The following DCAF1 variants were observed in gnomAD, a reference collection of about 807,000 sequenced individuals.
DCAF1 encodes DDB1- and CUL4-associated factor 1.
Under a neutral mutation model 128.0 loss-of-function variants are expected in DCAF1, and 15 were observed. The ratio of observed to expected loss-of-function variants is 0.12; its 90% CI spans 0.08 to 0.18. The LOEUF (loss-of-function observed/expected upper bound fraction) is 0.18. Among genes scored for constraint, DCAF1 ranks in the 10% least tolerant of loss-of-function variants. DCAF1 has a pLI of 1.00. For missense variants in DCAF1, 988 were observed against 1,649.5 expected (o/e 0.60, Z 6.95); for synonymous variants, 610 against 603.0 (o/e 1.01, Z -0.17).
rs781843592 is a variant in DCAF1, at chr3:51,420,222, A to C, written c.2748T>G (p.His916Gln). 1.5e-5 allele frequency: 25 copies of C among 1,613,896 alleles called. No individual in the cohort carries two copies. Among genetic ancestry groups the C allele is most frequent in the Non-Finnish European group, 2.1e-5 (25 of 1,179,902 alleles). ...AAGGCGCAGAGGCACCCACAGCAGC[A>C]TGGCTGCCCAGACGAGTTGCAATGC... ...ANGIATRLGSHAAVGASAPSA... is the reference protein window; with the variant it reads ...ANGIATRLGSQAAVGASAPSA... Residue 916 changes from histidine (H) to glutamine (Q), a missense_variant, in exon 15 of 25, where the codon CAT becomes CAG. His to Gln is a conservative substitution (Grantham distance 24, BLOSUM62 0). Coordinates refer to ENST00000684031, the MANE Select transcript of DCAF1 (RefSeq NM_001387579.1). The surrounding 1 kb of genome is among the most constrained non-coding windows in gnomAD (Gnocchi z 6.5).
At chr3:51,430,263 C>G in intron 10 of DCAF1, 51 bp from the exon 11 acceptor site, 1 of 741,512 alleles carries the variant, frequency 1.3e-6, no homozygotes, top group Non-Finnish European at 2.5e-6. Flanking sequence ...GGCAAAGGAG[C>G]CCTTGAACAG....
At chr3:51,480,065 C>A in intron 3 of DCAF1, among the ~76,000 whole-genome samples, 1 of 149,172 alleles carries the variant, frequency 6.7e-6, no homozygotes, top group Non-Finnish European at 1.5e-5. Context: ...AATCATACCA[C>A]TGCACTCTAT....
At position 51,443,926 on chromosome 3, in the gene DCAF1, G is replaced by C. The variant is rs1467810434; in HGVS notation, c.376-23C>G. On this transcript the variant is annotated intron_variant, in intron 6 of 24. Coordinates refer to ENST00000684031, the MANE Select transcript of DCAF1 (RefSeq NM_001387579.1). The stretch of plus-strand genomic sequence containing the variant: ...CTCCTATAGTAAAGGAAATTAAATA[G>C]TACATTTCGGAAAAAGCCCAAGTTC... 3.2e-6 allele frequency: 5 copies of C among 1,548,210 alleles called. No individual in the cohort carries two copies. The South Asian group carries it at 5.0e-5, about 15-fold the overall frequency.
intron 2 of DCAF1, among the ~76,000 whole-genome samples, chr3:51,488,946 C>A (rs1180436378): frequency 6.6e-6 from 1 of 152,134 alleles, no homozygotes; most frequent in East Asian, 1.9e-4. Context: ...GTCTGCGCGA[C>A]AGGGCGAGAC....
Position 51,403,384 on chromosome 3 carries a change from T to C in DCAF1, c.4224A>G (p.Glu1408=). The part of the protein sequence containing the change: ...EDEEEDQEEE[E]QEEEDDDEDD... ...CTTCATCATCATCTTCTTCCTCCTGTTCTTCCTCTTCCTGGTAAGAAAGCG... is the reference window on the plus strand; with the variant it reads ...CTTCATCATCATCTTCTTCCTCCTGCTCTTCCTCTTCCTGGTAAGAAAGCG... The change falls in exon 24 of 25, where the codon GAA becomes GAG. Residue 1408 remains glutamate, a synonymous_variant. Coordinates refer to ENST00000684031, the MANE Select transcript of DCAF1 (RefSeq NM_001387579.1). The C allele has an allele frequency of 1.9e-6, 3 of 1,552,220 alleles. No homozygotes were observed. Among genetic ancestry groups the C allele is most frequent in the African/African-American group, 1.4e-5 (1 of 73,176 alleles).
At chr3:51,487,678 T>TTC (rs1463665669) in intron 2 of DCAF1, among the ~76,000 whole-genome samples, 1 of 151,360 alleles carries the variant, frequency 6.6e-6, no homozygotes. Context: ...TCTCTCCTCT[T>TTC]TCTCTCTCTC....
At chr3:51,496,354 G>A (rs1480176547) in intron 2 of DCAF1, among the ~76,000 whole-genome samples, 1 of 152,096 alleles carries the variant, frequency 6.6e-6, no homozygotes, top group Admixed American at 6.6e-5. Context: ...TTGAACCCAG[G>A]AGACAGAGGT....
chr3:51,461,717 G>A (rs1577225385), intron 6 of DCAF1, among the ~76,000 whole-genome samples: 1 of 152,132 alleles, frequency 6.6e-6, no homozygotes. Context: ...ATATACCATG[G>A]AATACTATGC....
chr3:51,487,832 C>G (rs1008486527), intron 2 of DCAF1, among the ~76,000 whole-genome samples: 2 of 151,644 alleles, frequency 1.3e-5, no homozygotes, highest in African/African-American at 2.4e-5. Flanking sequence ...CAAACCACCA[C>G]GCCCAGCCTA....
chr3:51,462,986 G>A (rs964810634), intron 6 of DCAF1, 128 bp downstream of exon 6: 8 of 451,056 alleles, frequency 1.8e-5, no homozygotes, highest in Non-Finnish European at 2.9e-5. Context: ...GGATTTCTTA[G>A]ATTTTTATAA....
intron 24 of DCAF1, among the ~76,000 whole-genome samples, chr3:51,399,239 G>A (rs1160791104): frequency 6.6e-6 from 1 of 152,194 alleles, no homozygotes. Flanking sequence ...CTGACCCCAA[G>A]AGACCACTAG....
intron 6 of DCAF1, among the ~76,000 whole-genome samples, chr3:51,459,094 A>T (rs1703252310): frequency 6.6e-6 from 1 of 152,160 alleles, no homozygotes; most frequent in African/African-American, 2.4e-5. Flanking sequence ...GACACAAAAA[A>T]CCCTTCAAAA....
chr3:51,488,675 C>T (rs1440039720), intron 2 of DCAF1, among the ~76,000 whole-genome samples: 1 of 152,176 alleles, frequency 6.6e-6, no homozygotes, highest in African/African-American at 2.4e-5. Context: ...TGGTGGCACG[C>T]ACCTGTAATT....
chr3:51,398,742 G>GA lies in DCAF1; in HGVS notation c.*26dup. ...TTTGACTCAGTTTCTCGCCTGCCAA[G>GA]AATCTCTTCCAAGCAGTGATGGCTC... On this transcript the variant is annotated 3_prime_UTR_variant, in exon 25 of 25. Transcript: ENST00000684031. The GA allele has an allele frequency of 1.3e-6, 2 of 1,577,724 alleles. No homozygotes were observed. Among genetic ancestry groups the GA allele is most frequent in the Non-Finnish European group, 1.7e-6 (2 of 1,161,124 alleles).
At chr3:51,499,255 G>C (rs1041202959) in intron 1 of DCAF1, among the ~76,000 whole-genome samples, 5 of 152,266 alleles carry the variant, frequency 3.3e-5, no homozygotes, top group Admixed American at 6.5e-5. Context: ...GCACTCTGAG[G>C]TTTGACTCCA....
intron 6 of DCAF1, among the ~76,000 whole-genome samples, chr3:51,446,069 G>C (rs1395080731): frequency 6.8e-6 from 1 of 146,280 alleles, no homozygotes; most frequent in Non-Finnish European, 1.5e-5. Context: ...TCTCGACTCA[G>C]TGCAACCTCC....
At chr3:51,439,182 T>A (rs1235936865) in intron 9 of DCAF1, among the ~76,000 whole-genome samples, 1 of 151,926 alleles carries the variant, frequency 6.6e-6, no homozygotes, top group African/African-American at 2.4e-5. Flanking sequence ...TCGCTCAGGC[T>A]CACCCTAGTG....
intron 5 of DCAF1, among the ~76,000 whole-genome samples, chr3:51,466,225 G>A (rs1195255296): frequency 6.6e-6 from 1 of 152,022 alleles, no homozygotes; most frequent in African/African-American, 2.4e-5. Context: ...GAAAAAGAAG[G>A]CAGTGAGAAA....
intron 24 of DCAF1, among the ~76,000 whole-genome samples, chr3:51,401,558 T>A (rs2089705085): frequency 1.3e-5 from 2 of 152,352 alleles, no homozygotes; most frequent in African/African-American, 2.4e-5. Context: ...GTAACAACAT[T>A]CTCACAACTG....
Sources: gnomAD v4.1 joint callset for allele counts (sites outside exome capture counted in the v4.1 genomes callset) on GRCh38, gnomAD v4.1.1 for gene constraint, Gnocchi (gnomAD v3.1) non-coding constraint, MANE v1.5 for transcripts, NCBI Gene and HGNC (gene_info 2026-07-23, HGNC 2026-07-21) for gene names.